The following PDIA5 variants were observed in gnomAD, a reference collection of about 807,000 sequenced individuals.
PDIA5 encodes protein disulfide isomerase family A member 5, also known as protein disulfide-isomerase A5.
Under a neutral mutation model 77.6 loss-of-function variants are expected in PDIA5, and 58 were observed. The observed-to-expected ratio is 0.75, with a 90% CI of 0.61 to 0.93. The LOEUF is 0.93. Among genes scored for constraint, PDIA5 ranks in the 40% least tolerant of loss-of-function variants. The probability of loss-of-function intolerance (pLI) is 0.00; values close to 1 mark genes in which losing one functional copy is unlikely to be tolerated. For missense variants in PDIA5, 630 were observed against 647.7 expected, an observed-to-expected ratio of 0.97 and a Z score of 0.30; for synonymous variants, 250 against 252.1, an observed-to-expected ratio of 0.99 and a Z score of 0.08.
intron 15 of PDIA5, among the ~76,000 whole-genome samples, chr3:123,159,108 G>A (rs1297541875): frequency 1.3e-5 from 2 of 152,218 alleles, no homozygotes; most frequent in Admixed American, 6.5e-5. Flanking sequence ...CCAGGGCATT[G>A]TATACAAATT....
chr3:123,161,423 A>G lies in PDIA5; in HGVS notation c.1447A>G (p.Lys483Glu). 2 of 1,614,142 alleles carry G rather than the reference A, an allele frequency of 1.2e-6. No homozygotes were observed. The highest frequency in any genetic ancestry group is 8.5e-7 in the Non-Finnish European group (1 of 1,180,012). Residue 483 changes from lysine (K) to glutamate (E), a missense_variant, in exon 16 of 17, where the codon AAG becomes GAG. Physicochemically the swap from Lys to Glu is moderately conservative, Grantham distance 56. Coordinates refer to ENST00000316218, the MANE Select transcript of PDIA5 (RefSeq NM_006810.4). ...CACTTTCCACTACTACCACTATGGG[A>G]AGTTCGCAGAAAAGTATGACAGCGA... The part of the protein sequence containing the change: ...YPTFHYYHYG[K>E]FAEKYDSDRT...
At chr3:123,118,101 C>G (rs769422782) in intron 8 of PDIA5, among the ~76,000 whole-genome samples, 1 of 152,212 alleles carries the variant, frequency 6.6e-6, no homozygotes, top group Admixed American at 6.5e-5. Context: ...GGCATGGAGA[C>G]GGCCCTGCTC....
chr3:123,083,250 T>C (rs1934058359), intron 1 of PDIA5, among the ~76,000 whole-genome samples: 1 of 150,666 alleles, frequency 6.6e-6, no homozygotes. Context: ...GTGAGGGGGT[T>C]TGGAGGTTAG....
intron 5 of PDIA5, among the ~76,000 whole-genome samples, chr3:123,103,829 A>G (rs899553240): frequency 1.3e-5 from 2 of 152,250 alleles, no homozygotes; most frequent in African/African-American, 2.4e-5. Flanking sequence ...TAAGACGTCA[A>G]CCGAAGTTCT....
chr3:123,082,266 C>T (rs1560498303), intron 1 of PDIA5, among the ~76,000 whole-genome samples: 1 of 151,964 alleles, frequency 6.6e-6, no homozygotes, highest in Non-Finnish European at 1.5e-5. Context: ...TGCAGCAGTC[C>T]AGGGAGCTTG....
At position 123,092,395 on chromosome 3, in the gene PDIA5, G is replaced by A; in HGVS notation, c.210G>A (p.Val70=). 1.9e-6 allele frequency: 3 copies of A among 1,613,828 alleles called. No homozygotes were observed. The highest frequency in any genetic ancestry group is 2.5e-6 in the Non-Finnish European group (3 of 1,179,828). Reference sequence around the variant, plus strand: ...ATCATCTCAGGTTACTGTCCACAGTGGCCCAGGCGGTGAAAGGACAAGGGA... The same window carrying A: ...ATCATCTCAGGTTACTGTCCACAGTAGCCCAGGCGGTGAAAGGACAAGGGA... ...AENHLRLLST[V]AQAVKGQGTI... is the part of the protein sequence containing the mutation. Residue 70 remains valine, a synonymous_variant, in exon 3 of 17, where the codon GTG becomes GTA. Coordinates refer to ENST00000316218, the MANE Select transcript of PDIA5 (RefSeq NM_006810.4).
intron 2 of PDIA5, among the ~76,000 whole-genome samples, chr3:123,089,941 G>C (rs1192811602): frequency 6.6e-6 from 1 of 152,230 alleles, no homozygotes; most frequent in African/African-American, 2.4e-5. Context: ...AGTGACTTTG[G>C]GGGAGGGTGA....
intron 1 of PDIA5, among the ~76,000 whole-genome samples, chr3:123,079,729 T>A (rs894247357): frequency 6.6e-6 from 1 of 152,198 alleles, no homozygotes; most frequent in African/African-American, 2.4e-5. Flanking sequence ...TAGAGATACA[T>A]GATAAATTGT....
chr3:123,069,945 C>G (rs2107899407), intron 1 of PDIA5, among the ~76,000 whole-genome samples: 1 of 152,028 alleles, frequency 6.6e-6, no homozygotes, highest in African/African-American at 2.4e-5. Context: ...CAAAAATTAG[C>G]CAAGCATGGT....
intron 8 of PDIA5, 66 bp downstream of exon 8, chr3:123,116,364 GGGGT>G (rs2107947993): frequency 7.9e-6 from 9 of 1,140,634 alleles, no homozygotes; most frequent in Non-Finnish European, 1.2e-5. Context: ...AAGGGTGCCA[GGGGT>G]GGGGTGGGGA....
intron 2 of PDIA5, among the ~76,000 whole-genome samples, chr3:123,089,911 A>G (rs939283100): frequency 1.3e-5 from 2 of 152,130 alleles, no homozygotes; most frequent in Non-Finnish European, 2.9e-5. Context: ...AGATGGAGAG[A>G]GGTTTGCTTG....
At chr3:123,101,036 A>G (rs1934578024) in intron 3 of PDIA5, among the ~76,000 whole-genome samples, 1 of 152,216 alleles carries the variant, frequency 6.6e-6, no homozygotes, top group African/African-American at 2.4e-5. Flanking sequence ...CCCCCAGGTA[A>G]CAAGAGCTCT....
At chr3:123,075,741 A>G (rs1275988954) in intron 1 of PDIA5, among the ~76,000 whole-genome samples, 3 of 152,092 alleles carry the variant, frequency 2.0e-5, no homozygotes, top group Non-Finnish European at 2.9e-5. Context: ...CCTTAAGGAG[A>G]TATGTGTAAA....
intron 15 of PDIA5, among the ~76,000 whole-genome samples, chr3:123,159,619 A>T (rs1212708111): frequency 1.3e-5 from 2 of 152,192 alleles, no homozygotes; most frequent in East Asian, 1.9e-4. Flanking sequence ...GCTAATTCAG[A>T]TTTATTTTTT....
intron 15 of PDIA5, among the ~76,000 whole-genome samples, chr3:123,157,981 C>T (rs1576469043): frequency 6.6e-6 from 1 of 152,176 alleles, no homozygotes; most frequent in Non-Finnish European, 1.5e-5. Flanking sequence ...GCAGTGGGGG[C>T]CCCACCTCTG....
In PDIA5 at chr3:123,130,696, C is replaced by T. The variant is rs573883288; in HGVS notation, c.910+80C>T. Reference sequence around the variant, plus strand: ...TGAGTGTGGCGCTTTGCAATGTGAACCCAGGAAGCACTTATTTTTTGGATG... The same window carrying T: ...TGAGTGTGGCGCTTTGCAATGTGAATCCAGGAAGCACTTATTTTTTGGATG... On this transcript the variant is annotated intron_variant, in intron 11 of 16. Transcript: ENST00000316218. 289 of 1,503,164 alleles carry T rather than the reference C, an allele frequency of 1.9e-4. No individual in the cohort carries two copies. In the African/African-American group the frequency reaches 3.7e-3, roughly 19 times the overall value. 93.1% of individuals were successfully genotyped at this position (1,503,164 alleles called of 1,614,324 possible). A position where few individuals can be genotyped will look rare whatever the true frequency, so the allele number is the denominator to read the frequency against.
rs1935743725 is a variant in PDIA5, at chr3:123,145,434, G to T, written c.911-88G>T. On this transcript the variant is annotated intron_variant, in intron 11 of 16. Transcript: ENST00000316218. ...GCTTTTCTCAGGTGTCTGGGAATGG[G>T]ACTGAGCTGCCTTACAGAGGCGGCG... 9.0e-6 allele frequency: 8 copies of T among 893,152 alleles called. No homozygotes were observed. In the South Asian group the frequency reaches 1.2e-4, roughly 13 times the overall value. The allele number at this position is 893,152 out of a possible 1,614,324, so 55.3% of individuals were successfully genotyped here.
At chr3:123,138,299 C>G (rs1412961329) in intron 11 of PDIA5, among the ~76,000 whole-genome samples, 1 of 152,070 alleles carries the variant, frequency 6.6e-6, no homozygotes. Context: ...TACATAGTCC[C>G]CTTAACATTA....
chr3:123,067,124 C>G lies in PDIA5; in HGVS notation c.-41C>G, dbSNP rs371374816. The G allele has an allele frequency of 8.1e-7, 1 of 1,239,604 alleles. No homozygotes were observed. The allele number at this position is 1,239,604 out of a possible 1,614,324, so 76.8% of individuals were successfully genotyped here. A position where few individuals can be genotyped will look rare whatever the true frequency, so the allele number is the denominator to read the frequency against. On this transcript the variant is annotated 5_prime_UTR_variant, in exon 1 of 17. Transcript: ENST00000316218. ...CAGGCGGGCGGGCGGGAGCGGGCGC[C>G]GGAGTGGAGAAAGGAGCCAGCGGTG...
Sources: allele counts gnomAD v4.1 joint callset (sites outside exome capture counted in the v4.1 genomes callset), GRCh38; gene constraint gnomAD v4.1.1; transcripts MANE v1.5; gene names NCBI Gene and HGNC (gene_info 2026-07-23, HGNC 2026-07-21).